CDC14A: variants seen among roughly 807,000 people sequenced by gnomAD.
CDC14A encodes the protein cell division cycle 14A.
Under a neutral mutation model 74.4 loss-of-function variants are expected in CDC14A, and 53 were observed. The ratio of observed to expected loss-of-function variants is 0.71; its 90% confidence interval spans 0.57 to 0.89. The LOEUF (loss-of-function observed/expected upper bound fraction) is 0.89. CDC14A is among the 40% of genes least tolerant of loss of function. The probability of loss-of-function intolerance (pLI) is 0.00; values close to 1 mark genes in which losing one functional copy is unlikely to be tolerated. For missense variants in CDC14A, 646 were observed against 713.7 expected (o/e 0.91, Z 1.08); for synonymous variants, 247 against 258.4 (o/e 0.96, Z 0.43).
chr1:100,488,792 GA>G (rs1188433846), intron 11 of CDC14A, among the ~76,000 whole-genome samples: 2 of 152,178 alleles, frequency 1.3e-5, no homozygotes, highest in African/African-American at 4.8e-5. Flanking sequence ...GTACATCTTA[GA>G]AAAATCTATG....
intron 4 of CDC14A, among the ~76,000 whole-genome samples, chr1:100,403,652 A>C (rs1050189678): frequency 2.0e-5 from 3 of 152,208 alleles, no homozygotes; most frequent in African/African-American, 7.2e-5. Context: ...CCTTCAAATA[A>C]TATGATTTAT....
intron 11 of CDC14A, among the ~76,000 whole-genome samples, chr1:100,494,331 G>A (rs1015717783): frequency 6.6e-6 from 1 of 152,180 alleles, no homozygotes; most frequent in Non-Finnish European, 1.5e-5. Flanking sequence ...AAAAGGGCTT[G>A]TGTGCTTTTA....
chr1:100,356,214 C>T (rs955675032), intron 2 of CDC14A, among the ~76,000 whole-genome samples: 1 of 152,144 alleles, frequency 6.6e-6, no homozygotes, highest in Non-Finnish European at 1.5e-5. Context: ...CCATGGGACT[C>T]TTGAGGGATT....
chr1:100,355,789 C>T (rs1487495087), intron 2 of CDC14A, among the ~76,000 whole-genome samples: 2 of 152,266 alleles, frequency 1.3e-5, no homozygotes, highest in South Asian at 2.1e-4. Flanking sequence ...ATGTTGAATG[C>T]ATATGTTACC....
intron 5 of CDC14A, among the ~76,000 whole-genome samples, chr1:100,429,907 TTTC>T (rs1357608271): frequency 6.6e-6 from 1 of 152,028 alleles, no homozygotes; most frequent in Non-Finnish European, 1.5e-5. Context: ...CAGAATTTTC[TTTC>T]TTCTTTTTGT....
chr1:100,499,367 G>C, intron 15 of CDC14A, 105 bp downstream of exon 15: 1 of 1,611,572 alleles, frequency 6.2e-7, no homozygotes, highest in Non-Finnish European at 8.5e-7. Flanking sequence ...ATAGTGCCAA[G>C]GAAGCCTTCT....
chr1:100,417,786 T>C (rs1252768099), intron 4 of CDC14A, among the ~76,000 whole-genome samples: 4 of 152,242 alleles, frequency 2.6e-5, no homozygotes, highest in African/African-American at 9.6e-5. Flanking sequence ...TCACCAATTA[T>C]TAATTAAGCT....
chr1:100,503,619 A>C (rs1050389329), intron 15 of CDC14A, among the ~76,000 whole-genome samples: 1 of 152,240 alleles, frequency 6.6e-6, no homozygotes, highest in African/African-American at 2.4e-5. Flanking sequence ...GCTGAGGAAC[A>C]GTCAGATTTT....
At chr1:100,510,124 C>T (rs28364911) in intron 15 of CDC14A, among the ~76,000 whole-genome samples, 19,983 of 152,172 alleles carry the variant, frequency 0.13, 1,498 homozygotes, top group African/African-American at 0.21. Context: ...TCACTGTTAT[C>T]ACCTCCCTTC....
At chr1:100,514,116 A>G (rs1219291793) in intron 15 of CDC14A, among the ~76,000 whole-genome samples, 4 of 152,148 alleles carry the variant, frequency 2.6e-5, no homozygotes, top group African/African-American at 9.6e-5. Flanking sequence ...TCTCTTGGTT[A>G]TATAAACAAG....
chr1:100,393,273 A>G (rs1264458118), intron 4 of CDC14A: 9 of 1,338,384 alleles, frequency 6.7e-6, no homozygotes, highest in Non-Finnish European at 9.7e-6. Flanking sequence ...ATGTTCAATC[A>G]TATGAACTAG....
At chr1:100,361,209 A>G (rs1652713606) in intron 2 of CDC14A, among the ~76,000 whole-genome samples, 1 of 152,220 alleles carries the variant, frequency 6.6e-6, no homozygotes, top group African/African-American at 2.4e-5. Flanking sequence ...ATAACTTAAA[A>G]CTTTCATAAG....
chr1:100,348,935 C>G (rs1410932699), upstream of CDC14A, among the ~76,000 whole-genome samples: 1 of 152,194 alleles, frequency 6.6e-6, no homozygotes, highest in African/African-American at 2.4e-5. Flanking sequence ...TGGCTCATAT[C>G]TGTAATTCCA....
intron 2 of CDC14A, among the ~76,000 whole-genome samples, chr1:100,365,770 G>A (rs963396450): frequency 6.6e-6 from 1 of 152,136 alleles, no homozygotes; most frequent in Non-Finnish European, 1.5e-5. Context: ...TATTTGTTAT[G>A]CAGTTAGGAC....
At chr1:100,454,311 T>C (rs1163990161) in intron 7 of CDC14A, among the ~76,000 whole-genome samples, 1 of 151,936 alleles carries the variant, frequency 6.6e-6, no homozygotes, top group Admixed American at 6.6e-5. Flanking sequence ...GAGAACAACA[T>C]TGCTTCCCTG....
intron 2 of CDC14A, among the ~76,000 whole-genome samples, chr1:100,356,764 G>A (rs980271973): frequency 6.7e-6 from 1 of 148,210 alleles, no homozygotes; most frequent in African/African-American, 2.5e-5. Flanking sequence ...TGAGGCAGGA[G>A]AATTGCTTGA....
chr1:100,431,689 T>A (rs1397475938), intron 5 of CDC14A, among the ~76,000 whole-genome samples: 4 of 150,740 alleles, frequency 2.7e-5, no homozygotes, highest in African/African-American at 9.8e-5. Flanking sequence ...AAAAAAAAAA[T>A]AAAAATAAAA....
chr1:100,473,659 A>T (rs1476716285), intron 10 of CDC14A, among the ~76,000 whole-genome samples: 1 of 152,144 alleles, frequency 6.6e-6, no homozygotes, highest in African/African-American at 2.4e-5. Flanking sequence ...AAGTGCTGGG[A>T]TTACAGGTGT....
At chr1:100,424,044 G>A in intron 4 of CDC14A, 178 bp from the exon 5 acceptor site, 1 of 556,304 alleles carries the variant, frequency 1.8e-6, no homozygotes, top group Non-Finnish European at 3.3e-6. Flanking sequence ...AGAAGACAAA[G>A]GCTGCTGCGC....
Sources: gnomAD v4.1 joint callset for allele counts (sites outside exome capture counted in the v4.1 genomes callset) on GRCh38, gnomAD v4.1.1 for gene constraint, MANE v1.5 for transcripts, NCBI Gene and HGNC (gene_info 2026-07-23, HGNC 2026-07-21) for gene names.